RGS11: variants seen among roughly 807,000 people sequenced by gnomAD.
RGS11 encodes regulator of G-protein signaling 11.
A neutral mutation model predicts 71.1 loss-of-function variants in RGS11; 86 were observed. The ratio of observed to expected loss-of-function variants is 1.21; its 90% CI spans 1.02 to 1.45. RGS11 has a LOEUF of 1.45. Ranked by LOEUF, RGS11 falls within the 40% of genes most tolerant of loss-of-function variation. RGS11 has a pLI of 0.00. For missense variants in RGS11, 734 were observed against 635.1 expected (o/e 1.16, Z -1.67); for synonymous variants, 298 against 254.2 (o/e 1.17, Z -1.64).
At chr16:274,625 G>C in intron 4 of RGS11, 1 of 627,168 alleles carries the variant, frequency 1.6e-6, no homozygotes, top group Non-Finnish European at 3.0e-6. Context: ...ATGTGGTTAG[G>C]GAGGGCAGGA....
At position 270,721 on chromosome 16, in the gene RGS11, G is replaced by A. The variant is rs779776587; in HGVS notation, c.1067+23C>T. ...GGGTGCACCTGCCCGTTGGCCAACC[G>A]GTGCCCACCACGCAGCACTTACTCG... On this transcript the variant is annotated intron_variant, in intron 14 of 16. Coordinates refer to ENST00000397770, the MANE Select transcript of RGS11 (RefSeq NM_183337.3). The A allele has an allele frequency of 8.1e-6, 13 of 1,610,956 alleles. No homozygotes were observed. The East Asian group carries it at 1.1e-4, about 14-fold the overall frequency.
In RGS11 at chr16:268,627, A is replaced by T. The variant is rs985975417; in HGVS notation, c.*642T>A. Reference sequence around the variant, plus strand: ...CAGAGTTGTCTATAAATCGGGGGGGAGGCCGCGGCCTCGAGGTGGGAAAGC... The same window carrying T: ...CAGAGTTGTCTATAAATCGGGGGGGTGGCCGCGGCCTCGAGGTGGGAAAGC... On this transcript the variant is annotated 3_prime_UTR_variant, in exon 17 of 17. Transcript: ENST00000397770. 5 of 699,514 alleles carry T rather than the reference A, an allele frequency of 7.1e-6. No individual in the cohort carries two copies. The highest frequency in any genetic ancestry group is 9.6e-6 in the Non-Finnish European group (4 of 415,988). The allele number at this position is 699,514 out of a possible 1,614,324, so 43.3% of individuals were successfully genotyped here.
chr16:274,971 C>G lies in RGS11; in HGVS notation c.318+5G>C. On this transcript the variant is annotated splice_donor_5th_base_variant and intron_variant, in intron 4 of 16. Transcript: ENST00000397770. ...CCGGCTCCCACCTGCACCCCCGAGC[C>G]TGACCTGGAACCTGTAGGGCGTCTC... 6.5e-7 allele frequency: 1 copy of G among 1,542,748 alleles called. No homozygotes were observed. The highest frequency in any genetic ancestry group is 8.8e-7 in the Non-Finnish European group (1 of 1,142,686).
chr16:273,224 C>G lies in RGS11; in HGVS notation c.588+251G>C, dbSNP rs574313956. ...AGGCAGAGTCTGCAGTCCCCGCAAT[C>G]TGGCATCCCTGTGACTCTCCCTTGG... On this transcript the variant is annotated intron_variant, in intron 8 of 16. Coordinates refer to ENST00000397770, the MANE Select transcript of RGS11 (RefSeq NM_183337.3). Among the ~76,000 whole-genome samples the G allele has an allele frequency of 3.3e-5, 5 of 152,296 alleles. No homozygotes were observed. The East Asian group carries it at 9.7e-4, about 29-fold the overall frequency.
At position 269,351 on chromosome 16, in the gene RGS11, G is replaced by A. The variant is rs145594617; in HGVS notation, c.1322C>T (p.Ser441Leu). The A allele has an allele frequency of 1.5e-5, 24 of 1,603,444 alleles. No homozygotes were observed. Among genetic ancestry groups the A allele is most frequent in the Admixed American group, 3.4e-5 (2 of 58,260 alleles). The change falls in exon 17 of 17, where the codon TCG becomes TTG. Residue 441 changes from serine to leucine, a missense_variant. Physicochemically the swap from Ser to Leu is moderately radical, Grantham distance 145. Transcript: ENST00000397770. ...GGGAAGGAGTGCAGGGCTGGGGCTC[G>A]AGTGCCGTGGCCTCCACGTAAACGG... The part of the protein sequence containing the change: ...VFPFTWRPRH[S>L]SPSPALLPTP...
intron 4 of RGS11, chr16:274,701 G>A (rs1000825441): frequency 5.9e-6 from 4 of 682,948 alleles, no homozygotes; most frequent in African/African-American, 5.3e-5. Context: ...CAGGAAGATG[G>A]CAGAATCCTC....
intron 6 of RGS11, 31 bp downstream of exon 6, chr16:274,012 C>G: frequency 6.5e-7 from 1 of 1,537,164 alleles, no homozygotes; most frequent in Non-Finnish European, 8.8e-7. Flanking sequence ...CAGCTGTACC[C>G]AGCCGGGGCG....
intron 15 of RGS11, chr16:269,882 G>A (rs536928524): frequency 5.6e-6 from 2 of 358,368 alleles, no homozygotes; most frequent in African/African-American, 2.1e-5. Context: ...GAATGGCTCC[G>A]TGTGCCCCAC....
rs746522872 is a variant in RGS11 at position 271,272 on chromosome 16, CGAG to C, written c.790_792del (p.Leu264del). ...GGATTGCTGGGCAGGCACCCCGACA[CGAG>C]GGGATCGTGGGGTCCACGCTGGCCG... is the stretch of plus-strand genomic sequence containing the variant. On this transcript the variant is annotated inframe_deletion, in exon 12 of 17. Transcript: ENST00000397770. 3 of 1,612,956 alleles carry C rather than the reference CGAG, an allele frequency of 1.9e-6. No homozygotes were observed. The highest frequency in any genetic ancestry group is 2.2e-5 in the South Asian group (2 of 91,088).
At chr16:273,446 A>AC (rs878963183) in intron 8 of RGS11, 29 bp downstream of exon 8, 1 of 1,521,690 alleles carries the variant, frequency 6.6e-7, no homozygotes, top group African/African-American at 1.4e-5. Context: ...CTGGCCAGCG[A>AC]CCCCCACCCT....
At position 270,677 on chromosome 16, in the gene RGS11, G is replaced by A. The variant is rs954055818; in HGVS notation, c.1068-16C>T. Reference sequence around the variant, plus strand: ...CAGGAACTGCCTAGGGGTGGGGACAGCACTGGGTAGTCTCGGCTGGGTGCA... The same window carrying A: ...CAGGAACTGCCTAGGGGTGGGGACAACACTGGGTAGTCTCGGCTGGGTGCA... On this transcript the variant is annotated splice_polypyrimidine_tract_variant and intron_variant, in intron 14 of 16. Transcript: ENST00000397770. 1.2e-6 allele frequency: 2 copies of A among 1,609,922 alleles called. No homozygotes were observed. Among genetic ancestry groups the A allele is most frequent in the East Asian group, 2.2e-5 (1 of 44,724 alleles).
At position 273,531 on chromosome 16, in the gene RGS11, C is replaced by G; in HGVS notation, c.532G>C (p.Asp178His). Residue 178 changes from aspartate (D) to histidine (H), a missense_variant, in exon 8 of 17, where the codon GAC (aspartate) becomes CAC (histidine). Asp to His is a moderately conservative substitution (Grantham distance 81). Transcript: ENST00000397770. ...TCCTGGCACGCAATGACCAGCCTGTCCCCCTTGCTGCGCTGCTTGGCTGCC... is the reference window on the plus strand; with the variant it reads ...TCCTGGCACGCAATGACCAGCCTGTGCCCCTTGCTGCGCTGCTTGGCTGCC... ...LRAAKQRSKGDRLVIACQEQT... is the reference protein window; with the variant it reads ...LRAAKQRSKGHRLVIACQEQT... 6.4e-7 allele frequency: 1 copy of G among 1,559,870 alleles called. No individual in the cohort carries two copies. Among genetic ancestry groups the G allele is most frequent in the Non-Finnish European group, 8.7e-7 (1 of 1,152,154 alleles).
chr16:268,959 C>G lies in RGS11; in HGVS notation c.*310G>C, dbSNP rs1197646266. ...TGGGCACCCAGTGCTGGACTGAAGACCAGAGAAGGTGGAGCTCCCTGTGGC... is the reference window on the plus strand; with the variant it reads ...TGGGCACCCAGTGCTGGACTGAAGAGCAGAGAAGGTGGAGCTCCCTGTGGC... On this transcript the variant is annotated 3_prime_UTR_variant, in exon 17 of 17. Coordinates refer to ENST00000397770, the MANE Select transcript of RGS11 (RefSeq NM_183337.3). 13 of 1,548,380 alleles carry G rather than the reference C, an allele frequency of 8.4e-6. No homozygotes were observed. The highest frequency in any genetic ancestry group is 2.0e-5 in the Admixed American group (1 of 50,976).
chr16:273,203 A>T (rs1596905225), intron 8 of RGS11, among the ~76,000 whole-genome samples: 1 of 152,162 alleles, frequency 6.6e-6, no homozygotes, highest in Middle Eastern at 3.4e-3. Context: ...CTCCCGAGGC[A>T]GAGTCTGCAG....
intron 6 of RGS11, 41 bp from the exon 7 acceptor site, chr16:273,877 G>GC (rs765449140): frequency 1.8e-5 from 28 of 1,582,080 alleles, no homozygotes; most frequent in Non-Finnish European, 2.3e-5. Context: ...CCCGGCCCCT[G>GC]CCCCCAGTGA....
intron 15 of RGS11, among the ~76,000 whole-genome samples, 156 bp downstream of exon 15, chr16:270,367 G>A (rs1307360109): frequency 6.6e-6 from 1 of 152,236 alleles, no homozygotes; most frequent in Non-Finnish European, 1.5e-5. Flanking sequence ...ACTGACAGGA[G>A]AGCGGCCAGG....
intron 4 of RGS11, 198 bp downstream of exon 4, chr16:274,778 C>T (rs1374617727): frequency 1.2e-5 from 9 of 765,256 alleles, no homozygotes; most frequent in Non-Finnish European, 2.0e-5. Flanking sequence ...ATCCCTCAGC[C>T]GGGTCCTTCT....
chr16:272,942 G>C lies in RGS11; in HGVS notation c.589-11C>G. 1 of 1,487,912 alleles carries C rather than the reference G, an allele frequency of 6.7e-7. No homozygotes were observed. The highest frequency in any genetic ancestry group is 9.0e-7 in the Non-Finnish European group (1 of 1,112,730). The allele number at this position is 1,487,912 out of a possible 1,614,324, so 92.2% of individuals were successfully genotyped here. A position where few individuals can be genotyped will look rare whatever the true frequency, so the allele number is the denominator to read the frequency against. ...ATCGGGGGCCCCGGGCTGCGGAGGGGAGACGAGATGAGGTGGGGATGCAGT... is the reference window on the plus strand; with the variant it reads ...ATCGGGGGCCCCGGGCTGCGGAGGGCAGACGAGATGAGGTGGGGATGCAGT... On this transcript the variant is annotated splice_polypyrimidine_tract_variant and intron_variant, in intron 8 of 16. Coordinates refer to ENST00000397770, the MANE Select transcript of RGS11 (RefSeq NM_183337.3).
In RGS11 at chr16:270,998, C is replaced by T; in HGVS notation, c.965G>A (p.Gly322Glu). 6.2e-7 allele frequency: 1 copy of T among 1,611,972 alleles called. No homozygotes were observed. The highest frequency in any genetic ancestry group is 1.7e-4 in the Middle Eastern group (1 of 6,060). ...GGGGTTCTCACCACTGAACTCCTTT[C>T]CCAGAAAGTCCATGAAGTGGGCCCG... ...VGRAHFMDFL[G>E]KEFSGENLSF... The change falls in exon 13 of 17, where the codon GGA becomes GAA. Residue 322 changes from glycine (G) to glutamate (E), a missense_variant. By Grantham distance (98) the Gly-to-Glu change is moderately conservative. Coordinates refer to ENST00000397770, the MANE Select transcript of RGS11 (RefSeq NM_183337.3).
Sources: allele counts gnomAD v4.1 joint callset (sites outside exome capture counted in the v4.1 genomes callset), GRCh38; gene constraint gnomAD v4.1.1; transcripts MANE v1.5; gene names NCBI Gene and HGNC (gene_info 2026-07-23, HGNC 2026-07-21).